HYCC1: variants seen among roughly 807,000 people sequenced by gnomAD.
HYCC1 encodes hyccin.
At chr7:22,902,306 T>A in the HYCC1 span, among the ~76,000 whole-genome samples, 1 of 152,036 alleles carries the variant, frequency 6.6e-6, no homozygotes, top group African/African-American at 2.4e-5. Context: ...TAGTTTTAAA[T>A]GCTTGTATTA....
chr7:22,984,104 C>T, the HYCC1 span: 1 of 988,664 alleles, frequency 1.0e-6, no homozygotes. Flanking sequence ...TAGGCAAATC[C>T]ATAGATGCAG....
the HYCC1 span, among the ~76,000 whole-genome samples, chr7:22,984,426 G>C: frequency 6.6e-6 from 1 of 152,104 alleles, no homozygotes; most frequent in Admixed American, 6.5e-5. Context: ...TGGGATTAGA[G>C]ATGGGAATAT....
At chr7:22,992,294 T>C in the HYCC1 span, among the ~76,000 whole-genome samples, 5 of 152,108 alleles carry the variant, frequency 3.3e-5, no homozygotes, top group Non-Finnish European at 7.4e-5. Flanking sequence ...TGGTCATTCA[T>C]TCATTCATTC....
the HYCC1 span, among the ~76,000 whole-genome samples, chr7:22,968,378 G>A: frequency 1.3e-5 from 2 of 152,110 alleles, no homozygotes; most frequent in Non-Finnish European, 2.9e-5. Flanking sequence ...ACCAACAAGG[G>A]CAATACCATA....
chr7:22,984,402 C>T, the HYCC1 span, among the ~76,000 whole-genome samples: 1 of 152,084 alleles, frequency 6.6e-6, no homozygotes, highest in African/African-American at 2.4e-5. Context: ...AACACTTCAT[C>T]TTTGATCATA....
chr7:22,994,990 A>C, the HYCC1 span, among the ~76,000 whole-genome samples: 5 of 152,068 alleles, frequency 3.3e-5, no homozygotes, highest in African/African-American at 1.2e-4. Flanking sequence ...ACAGTCTATT[A>C]CCAGCAAAAT....
At chr7:23,005,648 A>G in the HYCC1 span, among the ~76,000 whole-genome samples, 2 of 152,114 alleles carry the variant, frequency 1.3e-5, no homozygotes, top group African/African-American at 2.4e-5. Flanking sequence ...GGGTCTCATC[A>G]TCTACTCTCC....
the HYCC1 span, among the ~76,000 whole-genome samples, chr7:22,910,093 T>A: frequency 2.0e-5 from 3 of 152,228 alleles, no homozygotes; most frequent in Admixed American, 2.0e-4. Flanking sequence ...AGGCTATTAA[T>A]AAGCACCAGC....
chr7:23,001,352 T>C, the HYCC1 span, among the ~76,000 whole-genome samples: 1 of 152,164 alleles, frequency 6.6e-6, no homozygotes, highest in Non-Finnish European at 1.5e-5. Context: ...TTAGAACCCA[T>C]GCAGCCCAAT....
chr7:23,006,035 T>C, the HYCC1 span, among the ~76,000 whole-genome samples: 1 of 152,126 alleles, frequency 6.6e-6, no homozygotes, highest in Non-Finnish European at 1.5e-5. Flanking sequence ...ATATACTGAT[T>C]AACAAATCAG....
the HYCC1 span, among the ~76,000 whole-genome samples, chr7:22,958,771 G>A: frequency 8.2e-4 from 124 of 152,084 alleles, no homozygotes; most frequent in African/African-American, 2.4e-3. Flanking sequence ...CAAATACAAG[G>A]GAGCATCAAT....
the HYCC1 span, among the ~76,000 whole-genome samples, chr7:22,996,573 C>T: frequency 2.2e-5 from 3 of 138,028 alleles, no homozygotes; most frequent in Non-Finnish European, 4.5e-5. Context: ...TTTTCTTTGT[C>T]CTTACCACGT....
the HYCC1 span, chr7:22,978,281 C>G: frequency 2.4e-5 from 38 of 1,613,782 alleles, no homozygotes; most frequent in African/African-American, 4.8e-4. Flanking sequence ...AATTGTAAAC[C>G]CCTAGAAGAA....
chr7:22,977,300 G>A, the HYCC1 span: 1 of 1,236,342 alleles, frequency 8.1e-7, no homozygotes, highest in African/African-American at 1.5e-5. Flanking sequence ...CAATATCAAA[G>A]CTTAGGGTCA....
the HYCC1 span, chr7:22,983,956 C>T: frequency 1.9e-6 from 3 of 1,587,548 alleles, no homozygotes; most frequent in South Asian, 1.1e-5. Context: ...CACTTTGTGG[C>T]TCCTGGATAA....
the HYCC1 span, chr7:22,942,912 G>T: frequency 6.6e-6 from 1 of 152,104 alleles, no homozygotes; most frequent in Admixed American, 6.6e-5. Context: ...AACTATAAAA[G>T]AATTTTGTTG....
At chr7:22,990,632 C>T in the HYCC1 span, among the ~76,000 whole-genome samples, 1 of 152,152 alleles carries the variant, frequency 6.6e-6, no homozygotes, top group Non-Finnish European at 1.5e-5. Flanking sequence ...CTTATATAGC[C>T]ACTGGGTTAG....
At chr7:22,917,479 G>A in the HYCC1 span, among the ~76,000 whole-genome samples, 1 of 152,128 alleles carries the variant, frequency 6.6e-6, no homozygotes, top group Non-Finnish European at 1.5e-5. Context: ...TCGGGGATTT[G>A]CCCCTGTCCA....
the HYCC1 span, chr7:22,960,391 A>C: frequency 6.2e-7 from 1 of 1,613,428 alleles, no homozygotes; most frequent in Non-Finnish European, 8.5e-7. Flanking sequence ...CCATGAGGCA[A>C]TGAAGCCTTT....
Sources: allele counts gnomAD v4.1 joint callset (sites outside exome capture counted in the v4.1 genomes callset), GRCh38; gene constraint gnomAD v4.1.1; transcripts MANE v1.5; gene names NCBI Gene and HGNC (gene_info 2026-07-23, HGNC 2026-07-21).